Variants in VWA3B observed in about 807,000 individuals in gnomAD.
VWA3B encodes the protein von Willebrand factor A domain containing 3B.
Under a neutral mutation model 158.3 loss-of-function variants are expected in VWA3B, and 138 were observed. The observed-to-expected ratio is 0.87, with a 90% confidence interval of 0.76 to 1.00. The LOEUF (loss-of-function observed/expected upper bound fraction) is 1.00, where lower values mean the gene tolerates loss of function less well. Ranked by LOEUF, VWA3B falls within the 50% of genes least tolerant of loss-of-function variation. The probability of loss-of-function intolerance (pLI) is 0.00; values close to 1 mark genes in which losing one functional copy is unlikely to be tolerated. For synonymous variants in VWA3B, 596 were observed against 587.3 expected, an observed-to-expected ratio of 1.01 and a Z score of -0.21; for missense variants, 1,555 against 1,565.1, an observed-to-expected ratio of 0.99 and a Z score of 0.11.
chr2:98,129,386 G>A (rs755252120), intron 6 of VWA3B, among the ~76,000 whole-genome samples: 13 of 151,874 alleles, frequency 8.6e-5, no homozygotes, highest in African/African-American at 1.2e-4. Flanking sequence ...GAGTGAGGGC[G>A]CACTCACTGG....
At chr2:98,293,123 A>T (rs1402887965) in intron 23 of VWA3B, among the ~76,000 whole-genome samples, 2 of 152,072 alleles carry the variant, frequency 1.3e-5, no homozygotes, top group African/African-American at 2.4e-5. Flanking sequence ...AATTCTAAAG[A>T]CCTACTGGGG....
At chr2:98,229,820 C>A (rs1402916135) in intron 15 of VWA3B, among the ~76,000 whole-genome samples, 2 of 152,156 alleles carry the variant, frequency 1.3e-5, no homozygotes, top group African/African-American at 4.8e-5. Flanking sequence ...CAGGAGGGAC[C>A]AGACCTGTGA....
chr2:98,290,352 C>G (rs1689412534), intron 22 of VWA3B, among the ~76,000 whole-genome samples, 159 bp from the exon 23 acceptor site: 1 of 152,192 alleles, frequency 6.6e-6, no homozygotes, highest in African/African-American at 2.4e-5. Flanking sequence ...CCAGCCACCT[C>G]CCACCAGGCC....
At chr2:98,186,284 G>C (rs1353980424) in intron 9 of VWA3B, among the ~76,000 whole-genome samples, 1 of 151,320 alleles carries the variant, frequency 6.6e-6, no homozygotes, top group Non-Finnish European at 1.5e-5. Flanking sequence ...AGCACCTCGA[G>C]GTGCAGTGCT....
At chr2:98,202,981 T>C (rs1194477904) in intron 12 of VWA3B, among the ~76,000 whole-genome samples, 1 of 152,144 alleles carries the variant, frequency 6.6e-6, no homozygotes, top group Non-Finnish European at 1.5e-5. Flanking sequence ...TACAGGCATG[T>C]ACCACCATGC....
chr2:98,166,732 G>T (rs1045836613), intron 8 of VWA3B, among the ~76,000 whole-genome samples: 1 of 150,976 alleles, frequency 6.6e-6, no homozygotes, highest in Non-Finnish European at 1.5e-5. Context: ...ATTCCTAAAG[G>T]AAACAGATGA....
intron 22 of VWA3B, among the ~76,000 whole-genome samples, chr2:98,276,810 C>T (rs2105905714): frequency 6.6e-6 from 1 of 152,316 alleles, no homozygotes; most frequent in South Asian, 2.1e-4. Context: ...TGGCCTGCTC[C>T]AGGGTGCGTT....
At chr2:98,245,757 A>AT (rs1053162611) in intron 19 of VWA3B, among the ~76,000 whole-genome samples, 1 of 152,084 alleles carries the variant, frequency 6.6e-6, no homozygotes, top group Non-Finnish European at 1.5e-5. Flanking sequence ...CTAACGGGGT[A>AT]TTTTTTCCAG....
chr2:98,244,159 A>G lies in VWA3B; in HGVS notation c.2674-6159A>G, dbSNP rs1332162638. On this transcript the variant is annotated intron_variant, in intron 19 of 27. Transcript: ENST00000477737. ...GTTCTTAATTTAGCATATGTTATGA[A>G]CATTTTTCCTTACAATAGCCATTTT... Among the ~76,000 whole-genome samples the G allele has an allele frequency of 2.0e-5, 3 of 152,178 alleles. No individual in the cohort carries two copies. The East Asian group carries it at 5.8e-4, about 29-fold the overall frequency.
intron 13 of VWA3B, among the ~76,000 whole-genome samples, chr2:98,214,773 G>A (rs1037067553): frequency 6.6e-6 from 1 of 152,100 alleles, no homozygotes; most frequent in Non-Finnish European, 1.5e-5. Flanking sequence ...CTGCAGATAC[G>A]CAGTCGGATT....
intron 20 of VWA3B, among the ~76,000 whole-genome samples, chr2:98,253,366 A>C (rs146284870): frequency 9.9e-4 from 151 of 152,322 alleles, no homozygotes; most frequent in Non-Finnish European, 2.0e-3. Flanking sequence ...TTTGGTCAAA[A>C]TAATGACATA....
intron 22 of VWA3B, among the ~76,000 whole-genome samples, chr2:98,275,093 T>C (rs1451241444): frequency 6.6e-6 from 1 of 152,242 alleles, no homozygotes; most frequent in African/African-American, 2.4e-5. Context: ...TGTACACTTT[T>C]GTTTACAGTC....
At chr2:98,275,273 A>G (rs1688452565) in intron 22 of VWA3B, among the ~76,000 whole-genome samples, 1 of 152,252 alleles carries the variant, frequency 6.6e-6, no homozygotes, top group Admixed American at 6.5e-5. Context: ...TTTCAGGGAA[A>G]GGTAGTTCAC....
At chr2:98,103,467 A>G (rs1683226065) in intron 2 of VWA3B, among the ~76,000 whole-genome samples, 1 of 152,156 alleles carries the variant, frequency 6.6e-6, no homozygotes, top group African/African-American at 2.4e-5. Context: ...GAATGCCACA[A>G]ATCTCAATCA....
At chr2:98,287,695 C>T (rs373826000) in intron 22 of VWA3B, among the ~76,000 whole-genome samples, 46 of 152,262 alleles carry the variant, frequency 3.0e-4, no homozygotes, top group African/African-American at 9.9e-4. Context: ...TTGGAAATAA[C>T]AAAACAATCT....
At chr2:98,103,311 A>C (rs1309147047) in intron 2 of VWA3B, among the ~76,000 whole-genome samples, 4 of 151,860 alleles carry the variant, frequency 2.6e-5, no homozygotes, top group Non-Finnish European at 4.4e-5. Flanking sequence ...ATCATTATTT[A>C]TTTCTTTCTG....
intron 22 of VWA3B, among the ~76,000 whole-genome samples, chr2:98,286,206 A>T (rs1029944893): frequency 6.6e-6 from 1 of 152,116 alleles, no homozygotes; most frequent in African/African-American, 2.4e-5. Flanking sequence ...ATACAGAATC[A>T]TGTCATTTAT....
chr2:98,109,658 A>C (rs1289151273), intron 2 of VWA3B, among the ~76,000 whole-genome samples: 1 of 152,094 alleles, frequency 6.6e-6, no homozygotes, highest in African/African-American at 2.4e-5. Context: ...TTCTGCTTAG[A>C]GAAGTTCTTT....
intron 13 of VWA3B, chr2:98,216,955 G>A (rs551586787): frequency 7.7e-7 from 1 of 1,291,692 alleles, no homozygotes; most frequent in South Asian, 1.2e-5. Context: ...ATGAGTGGGA[G>A]AGACTGTCAT....
Sources: gnomAD v4.1 joint callset for allele counts (sites outside exome capture counted in the v4.1 genomes callset) on GRCh38, gnomAD v4.1.1 for gene constraint, MANE v1.5 for transcripts, NCBI Gene and HGNC (gene_info 2026-07-23, HGNC 2026-07-21) for gene names.